Variants in PRKG1 observed in about 807,000 individuals in gnomAD.
PRKG1 encodes protein kinase cGMP-dependent 1, also known as cGMP-dependent protein kinase 1.
In PRKG1, 35 loss-of-function variants were observed where a neutral mutation model predicts 88.1. The ratio of observed to expected loss-of-function variants is 0.40; its 90% CI spans 0.30 to 0.53. The LOEUF is 0.53. Ranked by LOEUF, PRKG1 falls within the 20% of genes least tolerant of loss-of-function variation. The pLI is 0.59. For synonymous variants in PRKG1, 303 were observed against 292.5 expected (o/e 1.04, Z -0.37); for missense variants, 540 against 839.8 (o/e 0.64, Z 4.41).
chr10:51,844,682 G>A (rs900428877), intron 4 of PRKG1, among the ~76,000 whole-genome samples: 10 of 152,158 alleles, frequency 6.6e-5, no homozygotes, highest in Admixed American at 6.6e-4. Flanking sequence ...TAATGAAAGA[G>A]CATCAAACTT....
chr10:51,618,322 A>G (rs987881903), intron 3 of PRKG1, among the ~76,000 whole-genome samples: 10 of 152,214 alleles, frequency 6.6e-5, no homozygotes, highest in Admixed American at 2.0e-4. Flanking sequence ...TATGTAGGTC[A>G]TATAAAGTAA....
intron 3 of PRKG1, among the ~76,000 whole-genome samples, chr10:51,700,717 G>A (rs1053911276): frequency 6.6e-6 from 1 of 152,154 alleles, no homozygotes; most frequent in South Asian, 2.1e-4. Flanking sequence ...ACTGCCTTAC[G>A]TGTATTGAAT....
At chr10:51,118,157 CA>C (rs11296841) in intron 1 of PRKG1, among the ~76,000 whole-genome samples, 121,135 of 151,990 alleles carry the variant, frequency 0.8, 48,841 homozygotes, top group South Asian at 0.88. Flanking sequence ...CAGTTAAGAG[CA>C]GAGCAGCAAT....
At chr10:51,410,927 G>T (rs1838067311) in intron 2 of PRKG1, among the ~76,000 whole-genome samples, 1 of 150,968 alleles carries the variant, frequency 6.6e-6, no homozygotes, top group Non-Finnish European at 1.5e-5. Context: ...AATTCTTTTG[G>T]TAAATCGGAT....
chr10:52,264,689 A>G (rs572908411), intron 10 of PRKG1, among the ~76,000 whole-genome samples: 1 of 152,188 alleles, frequency 6.6e-6, no homozygotes, highest in South Asian at 2.1e-4. Context: ...CAGCTATTAC[A>G]ATTACGGTGA....
intron 3 of PRKG1, among the ~76,000 whole-genome samples, chr10:51,756,828 T>G (rs1837879153): frequency 6.6e-6 from 1 of 151,050 alleles, no homozygotes; most frequent in Non-Finnish European, 1.5e-5. Context: ...AATAAATAAA[T>G]AAATAAATAA....
chr10:51,323,325 G>A lies in PRKG1; in HGVS notation c.479-144398G>A, dbSNP rs148064728. Among the ~76,000 whole-genome samples, 17 of 152,220 alleles carry A rather than the reference G, an allele frequency of 1.1e-4. No individual in the cohort carries two copies. In the South Asian group the frequency reaches 2.7e-3, roughly 24 times the overall value. Reference sequence around the variant, plus strand: ...TAGATTACAAAAATCAAGGCAAGAAGTTGTTTTTGTTTCAAATAGCACTAG... The same window carrying A: ...TAGATTACAAAAATCAAGGCAAGAAATTGTTTTTGTTTCAAATAGCACTAG... On this transcript the variant is annotated intron_variant, in intron 2 of 17. Transcript: ENST00000373980.
rs1316566063 is a variant in PRKG1 at position 51,556,119 on chromosome 10, T to C, written c.592+88283T>C. On this transcript the variant is annotated intron_variant, in intron 3 of 17. Transcript: ENST00000373980. ...TTCAAAAACTGTAACCCTGGACATA[T>C]TCTAGGCTCTCTCAAGCCTTACAGT... 2.6e-5 allele frequency among the ~76,000 whole-genome samples: 4 copies of C among 152,098 alleles called. No homozygotes were observed. The East Asian group carries it at 7.8e-4, about 30-fold the overall frequency.
rs539773388 is a variant in PRKG1 at position 51,605,738 on chromosome 10, G to A, written c.592+137902G>A. On this transcript the variant is annotated intron_variant, in intron 3 of 17. Coordinates refer to ENST00000373980, the MANE Select transcript of PRKG1 (RefSeq NM_006258.4). Reference sequence around the variant, plus strand: ...TTTCACCAAATCCCATCTTTTCATCGTTTCCTTCATTGACTTATGATAAAT... The same window carrying A: ...TTTCACCAAATCCCATCTTTTCATCATTTCCTTCATTGACTTATGATAAAT... Among the ~76,000 whole-genome samples, 4 of 152,130 alleles carry A rather than the reference G, an allele frequency of 2.6e-5. No individual in the cohort carries two copies. The South Asian group carries it at 6.2e-4, about 24-fold the overall frequency.
At chr10:51,565,099 GT>G (rs2132156274) in intron 3 of PRKG1, among the ~76,000 whole-genome samples, 1 of 152,062 alleles carries the variant, frequency 6.6e-6, no homozygotes, top group South Asian at 2.1e-4. Context: ...CAAAATAAGC[GT>G]TGATAATTGA....
intron 2 of PRKG1, among the ~76,000 whole-genome samples, chr10:51,400,827 A>G (rs1003802771): frequency 2.0e-5 from 3 of 152,168 alleles, no homozygotes; most frequent in Non-Finnish European, 2.9e-5. Flanking sequence ...CCTTTCTTCA[A>G]TGACTTTCCT....
intron 2 of PRKG1, among the ~76,000 whole-genome samples, chr10:51,316,270 G>A (rs1841315018): frequency 1.3e-5 from 2 of 152,124 alleles, no homozygotes; most frequent in African/African-American, 4.8e-5. Flanking sequence ...AAAAAGTAAA[G>A]AAATAATTAT....
chr10:51,092,620 G>A (rs1844425451), intron 1 of PRKG1, among the ~76,000 whole-genome samples: 1 of 152,158 alleles, frequency 6.6e-6, no homozygotes. Context: ...AGCCAACTGG[G>A]GATGCTGCCA....
chr10:51,157,040 T>C (rs982844105), intron 2 of PRKG1, among the ~76,000 whole-genome samples: 5 of 152,006 alleles, frequency 3.3e-5, no homozygotes, highest in African/African-American at 1.2e-4. Flanking sequence ...ATGCTTAACA[T>C]GTGCCTTACA....
chr10:51,246,061 G>A (rs921680399), intron 2 of PRKG1, among the ~76,000 whole-genome samples: 1 of 152,022 alleles, frequency 6.6e-6, no homozygotes, highest in Non-Finnish European at 1.5e-5. Flanking sequence ...CTATAGAGAA[G>A]CCTCAAAGGT....
intron 1 of PRKG1, among the ~76,000 whole-genome samples, chr10:51,100,909 T>C (rs1056444899): frequency 2.6e-5 from 4 of 151,994 alleles, no homozygotes; most frequent in African/African-American, 7.2e-5. Context: ...GAAAAAAGGG[T>C]GATTCTGAGT....
At chr10:51,866,892 G>A (rs1841028275) in intron 4 of PRKG1, among the ~76,000 whole-genome samples, 1 of 152,076 alleles carries the variant, frequency 6.6e-6, no homozygotes, top group African/African-American at 2.4e-5. Context: ...TTTTCCTTAA[G>A]GAACTCTCTA....
At chr10:51,843,519 G>A (rs184940332) in intron 4 of PRKG1, among the ~76,000 whole-genome samples, 10 of 152,212 alleles carry the variant, frequency 6.6e-5, no homozygotes, top group African/African-American at 1.9e-4. Context: ...AATTTTTGGA[G>A]GAAAAAGGCA....
At chr10:51,141,437 C>G (rs1362545725) in intron 1 of PRKG1, among the ~76,000 whole-genome samples, 1 of 152,156 alleles carries the variant, frequency 6.6e-6, no homozygotes, top group Non-Finnish European at 1.5e-5. Context: ...TCCATAAATA[C>G]TATACTTATG....
Sources: gnomAD v4.1 joint callset for allele counts (sites outside exome capture counted in the v4.1 genomes callset) on GRCh38, gnomAD v4.1.1 for gene constraint, MANE v1.5 for transcripts, NCBI Gene and HGNC (gene_info 2026-07-23, HGNC 2026-07-21) for gene names.